Variants in TANC2 observed in about 807,000 individuals in gnomAD.
TANC2 encodes protein TANC2.
A neutral mutation model predicts 210.5 loss-of-function variants in TANC2; 26 were observed. That is an observed-to-expected ratio of 0.12 (90% CI 0.09 to 0.17). TANC2 has a LOEUF of 0.17. Ranked by LOEUF, TANC2 falls within the 10% of genes least tolerant of loss-of-function variation. The pLI, the probability that TANC2 is intolerant of heterozygous loss-of-function variation, is 1.00. For missense variants in TANC2, 2,129 were observed against 2,608.9 expected (o/e 0.82, Z 4.01); for synonymous variants, 931 against 967.1 (o/e 0.96, Z 0.69).
Position 63,418,218 on chromosome 17 carries a change from A to G in TANC2, c.4168-89A>G. ...CCAGGCGTTCCATCCATGAATGTCA[A>G]AAAATGTACAAATAATTTGTTTTAT... is the stretch of plus-strand genomic sequence containing the variant. On this transcript the variant is annotated intron_variant, in intron 26 of 27. Transcript: ENST00000689528. The surrounding 1 kb of genome is among the most constrained non-coding windows in gnomAD (Gnocchi z 4.6). The G allele has an allele frequency of 7.2e-7, 1 of 1,387,754 alleles. No individual in the cohort carries two copies. The highest frequency in any genetic ancestry group is 9.9e-7 in the Non-Finnish European group (1 of 1,005,734). The allele number at this position is 1,387,754 out of a possible 1,614,324, so 86.0% of individuals were successfully genotyped here.
At chr17:63,343,003 C>G (rs1048625439) in intron 12 of TANC2, among the ~76,000 whole-genome samples, 3 of 152,128 alleles carry the variant, frequency 2.0e-5, no homozygotes, top group Non-Finnish European at 2.9e-5. Flanking sequence ...GCTGGAAACA[C>G]AATTTTCCAG....
chr17:63,249,303 A>C (rs1482369596), intron 8 of TANC2, among the ~76,000 whole-genome samples: 5 of 152,202 alleles, frequency 3.3e-5, no homozygotes, highest in Non-Finnish European at 1.5e-5. Context: ...TTTTGTTTTC[A>C]AAATGTAAAT....
At chr17:63,358,352 TGAGA>T (rs5821386) in intron 14 of TANC2, among the ~76,000 whole-genome samples, 30,200 of 136,534 alleles carry the variant, frequency 0.22, 2,942 homozygotes, top group South Asian at 0.27. Context: ...GTGAGTAGAG[TGAGA>T]GAGAGAGAGA....
At chr17:63,341,710 T>C (rs553231391) in intron 12 of TANC2, among the ~76,000 whole-genome samples, 1 of 152,226 alleles carries the variant, frequency 6.6e-6, no homozygotes, top group African/African-American at 2.4e-5. Flanking sequence ...TCTTCCCCAG[T>C]CTCTCCAGTC....
At chr17:63,400,043 G>A (rs974627263) in intron 19 of TANC2, among the ~76,000 whole-genome samples, 3 of 152,242 alleles carry the variant, frequency 2.0e-5, no homozygotes, top group Non-Finnish European at 4.4e-5. Flanking sequence ...AGGACAGGCT[G>A]AGGGGAAGGA....
intron 4 of TANC2, among the ~76,000 whole-genome samples, chr17:63,129,064 C>G (rs969773902): frequency 6.6e-6 from 1 of 152,124 alleles, no homozygotes; most frequent in East Asian, 1.9e-4. Context: ...GTCACCCAGG[C>G]TGGATGGCTC....
chr17:63,092,969 T>C (rs2144827859), intron 3 of TANC2, among the ~76,000 whole-genome samples: 1 of 152,324 alleles, frequency 6.6e-6, no homozygotes, highest in East Asian at 1.9e-4. Context: ...TTAAGAGTTC[T>C]TACAGCCTAA....
intron 3 of TANC2, among the ~76,000 whole-genome samples, chr17:63,077,837 G>A (rs917146899): frequency 2.0e-5 from 3 of 152,102 alleles, no homozygotes; most frequent in Admixed American, 6.5e-5. Context: ...TATTATGATA[G>A]GAAACAATGC....
At chr17:63,066,989 C>T (rs75987350) in intron 2 of TANC2, among the ~76,000 whole-genome samples, 4,308 of 152,228 alleles carry the variant, frequency 0.028, 79 homozygotes, top group South Asian at 0.037. Flanking sequence ...AATTGTCATA[C>T]CATGGACTTT....
chr17:62,979,638 G>A (rs561547834), intron 1 of TANC2, among the ~76,000 whole-genome samples: 3 of 152,298 alleles, frequency 2.0e-5, no homozygotes, highest in Admixed American at 1.3e-4. Context: ...GGCAGGGCAC[G>A]GTGGCTCACG....
chr17:63,200,856 C>A, exon 7 of TANC2: 1 of 1,613,916 alleles, frequency 6.2e-7, no homozygotes. Flanking sequence ...CCCTGCTCTA[C>A]ACTCCCACCC....
rs1354961353 is a variant in TANC2, at chr17:63,412,009, G to C, written c.3777G>C (p.Leu1259=). The change falls in exon 23 of 28, where the codon CTG becomes CTC. Residue 1259 remains leucine, a synonymous_variant. Transcript: ENST00000689528. This position sits in a 1 kb window ranked among gnomAD's most constrained non-coding sequence, Gnocchi z 4.2. ...GATCCGTGTCCTAGGTCCAGTTCCTGGTAGATCATGGGGCCATGATCGAGC... is the reference window on the plus strand; with the variant it reads ...GATCCGTGTCCTAGGTCCAGTTCCTCGTAGATCATGGGGCCATGATCGAGC... 1.9e-6 allele frequency: 3 copies of C among 1,613,840 alleles called. No individual in the cohort carries two copies. The highest frequency in any genetic ancestry group is 2.2e-5 in the South Asian group (2 of 91,062).
intron 19 of TANC2, among the ~76,000 whole-genome samples, chr17:63,403,040 C>T (rs1420927516): frequency 6.6e-6 from 1 of 152,168 alleles, no homozygotes; most frequent in African/African-American, 2.4e-5. Flanking sequence ...GATGATACAA[C>T]AAAGAAAAAG....
chr17:63,042,007 C>T (rs752658690), intron 2 of TANC2, among the ~76,000 whole-genome samples: 9 of 152,152 alleles, frequency 5.9e-5, no homozygotes, highest in Non-Finnish European at 1.3e-4. Flanking sequence ...ATTAGAAATA[C>T]CCTTGAGATG....
Position 63,304,659 on chromosome 17 carries a change from C to G in TANC2, c.1160-9729C>G, listed in dbSNP as rs1054368088. Among the ~76,000 whole-genome samples the G allele has an allele frequency of 2.6e-5, 4 of 152,286 alleles. No individual in the cohort carries two copies. In the East Asian group the frequency reaches 5.8e-4, roughly 22 times the overall value. On this transcript the variant is annotated intron_variant, in intron 9 of 27. Coordinates refer to ENST00000689528, the Ensembl canonical transcript of TANC2. ...GGGTAGGGGGCCTTGTCTGGGCTCC[C>G]TGGATTCCTCAGAACTATGCAGGAG... is the stretch of plus-strand genomic sequence containing the variant.
intron 17 of TANC2, chr17:63,389,749 A>G: frequency 1.7e-6 from 1 of 592,526 alleles, no homozygotes; most frequent in Non-Finnish European, 3.0e-6. Context: ...AAACCCTTTG[A>G]GAGGTGCTTG....
exon 14 of TANC2, chr17:63,355,317 G>T (rs1252383302): frequency 6.2e-7 from 1 of 1,611,322 alleles, no homozygotes; most frequent in African/African-American, 1.3e-5. Context: ...TCGTATGTTT[G>T]TACATCCTTC....
intron 2 of TANC2, among the ~76,000 whole-genome samples, chr17:63,073,133 T>G (rs957995667): frequency 5.3e-5 from 8 of 152,220 alleles, no homozygotes; most frequent in African/African-American, 1.9e-4. Context: ...GATAACAAAT[T>G]TATAGGTGTA....
chr17:63,230,670 G>T (rs1226621377), intron 7 of TANC2, among the ~76,000 whole-genome samples: 2 of 152,178 alleles, frequency 1.3e-5, no homozygotes, highest in Admixed American at 6.6e-5. Flanking sequence ...ATTTCCTGAG[G>T]AGTGTTTGAC....
Sources: allele counts gnomAD v4.1 joint callset (sites outside exome capture counted in the v4.1 genomes callset), GRCh38; gene constraint gnomAD v4.1.1; non-coding constraint Gnocchi (gnomAD v3.1); transcripts MANE v1.5; gene names NCBI Gene and HGNC (gene_info 2026-07-23, HGNC 2026-07-21).